COBLL1: variants seen among roughly 807,000 people sequenced by gnomAD.
COBLL1 encodes the protein cordon-bleu protein-like 1.
Under a neutral mutation model 94.8 loss-of-function variants are expected in COBLL1, and 50 were observed. That is an observed-to-expected ratio of 0.53 (90% confidence interval 0.42 to 0.67). The LOEUF (loss-of-function observed/expected upper bound fraction) is 0.67, where lower values mean the gene tolerates loss of function less well. Ranked by LOEUF, COBLL1 falls within the 30% of genes least tolerant of loss-of-function variation. The probability of loss-of-function intolerance (pLI) is 0.00; values close to 1 mark genes in which losing one functional copy is unlikely to be tolerated. For missense variants in COBLL1, 1,362 were observed against 1,348.7 expected (o/e 1.01, Z -0.15); for synonymous variants, 448 against 473.8 (o/e 0.95, Z 0.71).
intron 2 of COBLL1, among the ~76,000 whole-genome samples, chr2:164,814,092 G>A (rs1011468630): frequency 2.0e-5 from 3 of 152,062 alleles, no homozygotes; most frequent in African/African-American, 4.8e-5. Context: ...CCTTCACACA[G>A]TATACACTAA....
chr2:164,805,303 C>G (rs1023754747), intron 2 of COBLL1, among the ~76,000 whole-genome samples: 1,164 of 26,724 alleles, frequency 0.044, 122 homozygotes, highest in Middle Eastern at 0.081. Context: ...CTCTCTCTCT[C>G]TCTCTCTCTC....
chr2:164,835,865 T>C (rs1683296026), intron 2 of COBLL1, among the ~76,000 whole-genome samples: 1 of 152,180 alleles, frequency 6.6e-6, no homozygotes, highest in African/African-American at 2.4e-5. Context: ...ATTTCTGTAG[T>C]GAAGTTCTTA....
chr2:164,706,801 T>C (rs1433367969), intron 7 of COBLL1, among the ~76,000 whole-genome samples: 2 of 152,222 alleles, frequency 1.3e-5, no homozygotes, highest in African/African-American at 4.8e-5. Context: ...ATTGTTTCCC[T>C]ATAGTCCTTC....
intron 2 of COBLL1, chr2:164,773,810 A>C (rs1434988923): frequency 7.3e-6 from 9 of 1,227,902 alleles, no homozygotes; most frequent in Non-Finnish European, 2.1e-6. Flanking sequence ...TCAACTGTTT[A>C]TCATGTATGT....
chr2:164,694,543 G>A lies in COBLL1; in HGVS notation c.2849C>T (p.Pro950Leu). Residue 950 changes from proline to leucine, a missense_variant, in exon 12 of 14, where the codon CCC (proline) becomes CTC (leucine). Physicochemically the swap from Pro to Leu is moderately conservative, Grantham distance 98. Transcript: ENST00000652658. ...AATTGTCACAGGTTTTGGAGCTATG[G>A]GAGGAGGGGAGGCTTCAGCAGGAGC... is the stretch of plus-strand genomic sequence containing the variant. ...GQAPAEASPP[P>L]IAPKPVTIPA... 1 of 1,614,042 alleles carries A rather than the reference G, an allele frequency of 6.2e-7. No individual in the cohort carries two copies. Among genetic ancestry groups the A allele is most frequent in the Non-Finnish European group, 8.5e-7 (1 of 1,179,974 alleles).
chr2:164,717,377 A>T (rs1210793884), intron 7 of COBLL1, among the ~76,000 whole-genome samples: 2 of 152,338 alleles, frequency 1.3e-5, no homozygotes, highest in Admixed American at 6.5e-5. Flanking sequence ...TTTCAAATTG[A>T]AAACTAAATT....
intron 5 of COBLL1, chr2:164,727,173 A>T: frequency 1.5e-6 from 2 of 1,323,650 alleles, no homozygotes; most frequent in Middle Eastern, 1.8e-4. Context: ...AAAAGAGGGT[A>T]AATTGACTGT....
At chr2:164,735,315 T>C (rs947705011) in intron 3 of COBLL1, among the ~76,000 whole-genome samples, 1 of 152,206 alleles carries the variant, frequency 6.6e-6, no homozygotes, top group African/African-American at 2.4e-5. Flanking sequence ...AAAAGTAACA[T>C]GGTGAAAGCT....
At chr2:164,816,511 T>C (rs1456039557) in intron 2 of COBLL1, among the ~76,000 whole-genome samples, 7 of 152,170 alleles carry the variant, frequency 4.6e-5, no homozygotes, top group Admixed American at 4.6e-4. Context: ...CTGCAGTGTA[T>C]TAAGTTTTTA....
In COBLL1 at chr2:164,738,839, A is replaced by C. The variant is rs148307690; in HGVS notation, c.230+4848T>G. Reference sequence around the variant, plus strand: ...TTTGAGCATCATATTCACACTCAAAAAGTTTTGGAATTTGAAGCATTTGAG... The same window carrying C: ...TTTGAGCATCATATTCACACTCAAACAGTTTTGGAATTTGAAGCATTTGAG... On this transcript the variant is annotated intron_variant, in intron 3 of 13. Transcript: ENST00000652658. Among the ~76,000 whole-genome samples the C allele has an allele frequency of 5.5e-3, 844 of 152,316 alleles. 4 individuals carry two copies. The highest frequency in any genetic ancestry group is 9.0e-3 in the Non-Finnish European group (609 of 68,018).
intron 2 of COBLL1, among the ~76,000 whole-genome samples, chr2:164,764,579 G>C (rs1169865418): frequency 2.0e-5 from 3 of 152,020 alleles, no homozygotes; most frequent in Non-Finnish European, 4.4e-5. Flanking sequence ...AAAGGAATCA[G>C]GGTTCCTTGA....
At chr2:164,715,024 C>T (rs1685092196) in intron 7 of COBLL1, among the ~76,000 whole-genome samples, 1 of 152,032 alleles carries the variant, frequency 6.6e-6, no homozygotes, top group African/African-American at 2.4e-5. Context: ...TGTCAGAAAC[C>T]TAAAATGTAA....
chr2:164,841,239 C>G lies in COBLL1; in HGVS notation c.-43G>C. ...CGCGGGCTCCAGCTCCCAGGCGGCGCGTCACTGCTGGGGTGGGAGAGGCCG... is the reference window on the plus strand; with the variant it reads ...CGCGGGCTCCAGCTCCCAGGCGGCGGGTCACTGCTGGGGTGGGAGAGGCCG... On this transcript the variant is annotated 5_prime_UTR_variant, in exon 2 of 14. Coordinates refer to ENST00000652658, the MANE Select transcript of COBLL1 (RefSeq NM_001365672.2). This position sits in a 1 kb window ranked among gnomAD's most constrained non-coding sequence, Gnocchi z 5.5. 6 of 1,229,128 alleles carry G rather than the reference C, an allele frequency of 4.9e-6. No homozygotes were observed. The highest frequency in any genetic ancestry group is 3.2e-5 in the East Asian group (1 of 31,304). 76.1% of individuals were successfully genotyped at this position (1,229,128 alleles called of 1,614,324 possible).
intron 9 of COBLL1, chr2:164,703,095 A>C: frequency 6.4e-7 from 1 of 1,565,806 alleles, no homozygotes; most frequent in Non-Finnish European, 8.8e-7. Flanking sequence ...GAAAGGCCTG[A>C]CCACCTACAT....
In COBLL1 at chr2:164,684,973, A is replaced by C. The variant is rs927042015; in HGVS notation, c.*973T>G. ...CGACAAATGGGCATTGTTTTGCTTA[A>C]CAGTTTTAGCTTCAATGTAAATATA... On this transcript the variant is annotated 3_prime_UTR_variant, in exon 14 of 14. Coordinates refer to ENST00000652658, the MANE Select transcript of COBLL1 (RefSeq NM_001365672.2). 10 of 152,166 alleles carry C rather than the reference A, an allele frequency of 6.6e-5. No homozygotes were observed. The highest frequency in any genetic ancestry group is 2.4e-4 in the African/African-American group (10 of 41,454). The allele number at this position is 152,166 out of a possible 1,614,324, so 9.4% of individuals were successfully genotyped here.
At chr2:164,801,619 A>T (rs933095719) in intron 2 of COBLL1, among the ~76,000 whole-genome samples, 1 of 151,334 alleles carries the variant, frequency 6.6e-6, no homozygotes, top group Non-Finnish European at 1.5e-5. Flanking sequence ...GCCTATCTCA[A>T]TTTTTTTTTA....
intron 2 of COBLL1, chr2:164,840,835 G>A: frequency 3.5e-6 from 1 of 283,360 alleles, no homozygotes. Flanking sequence ...ATCGTCCACC[G>A]CTCCCCCAGA....
intron 7 of COBLL1, among the ~76,000 whole-genome samples, chr2:164,720,136 T>C (rs1188317058): frequency 1.3e-5 from 2 of 152,090 alleles, no homozygotes; most frequent in African/African-American, 4.8e-5. Context: ...TAAAAAATGG[T>C]TCTTCAGCTT....
rs998461465 is a variant in COBLL1, at chr2:164,721,124, G to A, written c.996+951C>T. On this transcript the variant is annotated intron_variant, in intron 7 of 13. Coordinates refer to ENST00000652658, the MANE Select transcript of COBLL1 (RefSeq NM_001365672.2). ...GGTTAATTTTTTTTAAGTAAAGGAA[G>A]CACAGAAATGTGTACCAGGTGCTTG... Among the ~76,000 whole-genome samples the A allele has an allele frequency of 2.6e-5, 4 of 152,234 alleles. No homozygotes were observed. In the East Asian group the frequency reaches 7.7e-4, roughly 29 times the overall value.
Sources: gnomAD v4.1 joint callset for allele counts (sites outside exome capture counted in the v4.1 genomes callset) on GRCh38, gnomAD v4.1.1 for gene constraint, Gnocchi (gnomAD v3.1) non-coding constraint, MANE v1.5 for transcripts, NCBI Gene and HGNC (gene_info 2026-07-23, HGNC 2026-07-21) for gene names.